The following LRP1B variants were observed in gnomAD, a reference collection of about 807,000 sequenced individuals.
LRP1B encodes the protein LDL receptor related protein 1B.
Under a neutral mutation model 556.6 loss-of-function variants are expected in LRP1B, and 217 were observed. That is an observed-to-expected ratio of 0.39 (90% CI 0.35 to 0.44). The LOEUF (loss-of-function observed/expected upper bound fraction) is 0.44. Among genes scored for constraint, LRP1B ranks in the 20% least tolerant of loss-of-function variants. The pLI is 1.00. For missense variants in LRP1B, 5,053 were observed against 5,620.8 expected, an observed-to-expected ratio of 0.90 and a Z score of 3.23; for synonymous variants, 2,047 against 1,865.8, an observed-to-expected ratio of 1.10 and a Z score of -2.50.
At chr2:140,794,639 G>A (rs1453407825) in intron 32 of LRP1B, among the ~76,000 whole-genome samples, 2 of 150,544 alleles carry the variant, frequency 1.3e-5, no homozygotes, top group South Asian at 2.1e-4. Context: ...TTGAGACAGA[G>A]TTTCGCTCTT....
intron 3 of LRP1B, among the ~76,000 whole-genome samples, chr2:141,427,473 C>T (rs1206875551): frequency 6.6e-6 from 1 of 152,128 alleles, no homozygotes; most frequent in Admixed American, 6.5e-5. Context: ...TCAAAGTTTA[C>T]AGCAAAATTG....
At chr2:140,318,383 C>A (rs962397979) in intron 82 of LRP1B, among the ~76,000 whole-genome samples, 1 of 151,954 alleles carries the variant, frequency 6.6e-6, no homozygotes, top group South Asian at 2.1e-4. Flanking sequence ...GCCTTTTAAG[C>A]AGGGTTGAAA....
intron 7 of LRP1B, among the ~76,000 whole-genome samples, chr2:141,093,191 T>G (rs1012797354): frequency 6.6e-6 from 1 of 151,994 alleles, no homozygotes; most frequent in Non-Finnish European, 1.5e-5. Context: ...AGGAAACTCA[T>G]GGATAAAGGA....
chr2:141,129,571 G>A (rs1701297828), intron 7 of LRP1B, among the ~76,000 whole-genome samples: 1 of 150,982 alleles, frequency 6.6e-6, no homozygotes, highest in Admixed American at 6.6e-5. Flanking sequence ...AGTAGTGTGT[G>A]TGGGGGGAGG....
chr2:141,024,184 TA>T (rs1486216549), intron 11 of LRP1B, among the ~76,000 whole-genome samples: 1 of 152,020 alleles, frequency 6.6e-6, no homozygotes, highest in East Asian at 1.9e-4. Flanking sequence ...GCTTGCTGAA[TA>T]AGCTGTCTCA....
chr2:141,902,604 T>A (rs1699652515), intron 1 of LRP1B, among the ~76,000 whole-genome samples: 1 of 152,010 alleles, frequency 6.6e-6, no homozygotes, highest in Admixed American at 6.6e-5. Flanking sequence ...GCTTCATACC[T>A]ACTGTCTAAT....
intron 3 of LRP1B, among the ~76,000 whole-genome samples, chr2:141,334,921 G>A (rs1384885880): frequency 6.6e-6 from 1 of 152,086 alleles, no homozygotes; most frequent in Non-Finnish European, 1.5e-5. Context: ...TTGTTAAAGA[G>A]GTTGAATTTG....
At chr2:140,357,874 G>T in intron 74 of LRP1B, 105 bp downstream of exon 74, 1 of 1,313,540 alleles carries the variant, frequency 7.6e-7, no homozygotes. Flanking sequence ...CATCAGTCAA[G>T]CATACTTTGA....
At chr2:140,762,623 T>C (rs1417636871) in intron 35 of LRP1B, among the ~76,000 whole-genome samples, 1 of 152,116 alleles carries the variant, frequency 6.6e-6, no homozygotes, top group Non-Finnish European at 1.5e-5. Flanking sequence ...AGTTATTTTT[T>C]TCACCTTAAA....
At chr2:140,945,690 A>G (rs1034197933) in intron 20 of LRP1B, among the ~76,000 whole-genome samples, 1 of 151,834 alleles carries the variant, frequency 6.6e-6, no homozygotes, top group Non-Finnish European at 1.5e-5. Flanking sequence ...CTATTACTAT[A>G]TACAAAAAAA....
chr2:141,810,137 GAAA>G (rs1696302133), intron 2 of LRP1B, 139 bp downstream of exon 2: 4 of 470,152 alleles, frequency 8.5e-6, no homozygotes, highest in African/African-American at 2.6e-5. Flanking sequence ...AAGAAAGAAA[GAAA>G]GAAAGAAAGA....
intron 3 of LRP1B, among the ~76,000 whole-genome samples, chr2:141,297,658 A>G (rs956781468): frequency 1.3e-5 from 2 of 151,950 alleles, no homozygotes; most frequent in Admixed American, 1.3e-4. Context: ...CAGTTACAAA[A>G]CCCTACACTT....
chr2:141,635,785 A>T (rs1689091480), intron 2 of LRP1B, among the ~76,000 whole-genome samples: 1 of 152,240 alleles, frequency 6.6e-6, no homozygotes, highest in African/African-American at 2.4e-5. Context: ...GTGAAGATAA[A>T]CAATATAAAC....
chr2:141,545,689 A>T (rs975710498), intron 2 of LRP1B, among the ~76,000 whole-genome samples: 2 of 152,114 alleles, frequency 1.3e-5, no homozygotes, highest in Non-Finnish European at 2.9e-5. Context: ...AAATAATAAT[A>T]GTAATAATAA....
chr2:141,404,490 T>G (rs1690557348), intron 3 of LRP1B, among the ~76,000 whole-genome samples: 1 of 152,226 alleles, frequency 6.6e-6, no homozygotes, highest in Non-Finnish European at 1.5e-5. Context: ...GCATTTGTTA[T>G]GCTTTTAGCT....
Position 141,229,233 on chromosome 2 carries a change from G to C in LRP1B, c.800C>G (p.Ala267Gly), listed in dbSNP as rs2105293466. 6.2e-7 allele frequency: 1 copy of C among 1,612,944 alleles called. No individual in the cohort carries two copies. Among genetic ancestry groups the C allele is most frequent in the Non-Finnish European group, 8.5e-7 (1 of 1,179,230 alleles). The change falls in exon 6 of 91, where the codon GCA becomes GGA. Residue 267 changes from alanine to glycine, a missense_variant. Around this residue, in one of 5 missense-constraint regions of LRP1B, gnomAD observed 3,619 missense variants for 3,931.9 expected, o/e 0.92. Coordinates refer to ENST00000389484, the MANE Select transcript of LRP1B (RefSeq NM_018557.3). ...TGTCCATTCATCTGTTAATCCTCCT[G>C]CTTTTGTTATCTGGATACATTTGAG... is the stretch of plus-strand genomic sequence containing the variant. ...NQLKCIQITK[A>G]GGLTDEWTIN...
chr2:141,140,320 TATA>T (rs1417316949), intron 7 of LRP1B, among the ~76,000 whole-genome samples: 1 of 152,106 alleles, frequency 6.6e-6, no homozygotes, highest in Non-Finnish European at 1.5e-5. Flanking sequence ...ACGTCAATTA[TATA>T]ATAATAAAAA....
intron 2 of LRP1B, among the ~76,000 whole-genome samples, chr2:141,780,720 GT>G (rs1695225999): frequency 6.6e-6 from 1 of 152,118 alleles, no homozygotes; most frequent in African/African-American, 2.4e-5. Flanking sequence ...TAATGCAATT[GT>G]TTTATCATTC....
intron 33 of LRP1B, among the ~76,000 whole-genome samples, chr2:140,774,776 G>C (rs1282177844): frequency 1.3e-5 from 2 of 152,068 alleles, no homozygotes; most frequent in Non-Finnish European, 2.9e-5. Flanking sequence ...TTGAATGGCA[G>C]TACAATTATT....
Sources: allele counts gnomAD v4.1 joint callset (sites outside exome capture counted in the v4.1 genomes callset), GRCh38; gene constraint gnomAD v4.1.1; regional missense constraint gnomAD v4.1.1; transcripts MANE v1.5; gene names NCBI Gene and HGNC (gene_info 2026-07-23, HGNC 2026-07-21).